The following CBR4 variants were observed in gnomAD, a reference collection of about 807,000 sequenced individuals.
CBR4 encodes the protein 3-oxoacyl-[acyl-carrier-protein] reductase.
CBR4 carries 22 observed loss-of-function variants against 21.0 expected under a neutral mutation model. That is an observed-to-expected ratio of 1.05 (90% CI 0.75 to 1.50). CBR4 has a LOEUF of 1.50. Ranked by LOEUF, CBR4 falls within the 40% of genes most tolerant of loss-of-function variation. The probability of loss-of-function intolerance (pLI) is 0.00; values close to 1 mark genes in which losing one functional copy is unlikely to be tolerated. For synonymous variants in CBR4, 100 were observed against 104.4 expected (o/e 0.96, Z 0.26); for missense variants, 302 against 286.3 (o/e 1.05, Z -0.40).
chr4:168,916,054 C>G, intron 2 of CBR4: 2 of 1,603,758 alleles, frequency 1.2e-6, no homozygotes, highest in Non-Finnish European at 1.7e-6. Context: ...GCTTGCATAT[C>G]CTATTGCCCC....
At chr4:169,003,399 A>G (rs1730630356) in intron 3 of CBR4, among the ~76,000 whole-genome samples, 2 of 152,226 alleles carry the variant, frequency 1.3e-5, no homozygotes, top group South Asian at 4.1e-4. Context: ...TCTTATGATA[A>G]AACAAATGGG....
At chr4:168,897,249 A>T (rs774772180) in intron 2 of CBR4, among the ~76,000 whole-genome samples, 4 of 152,238 alleles carry the variant, frequency 2.6e-5, no homozygotes, top group Non-Finnish European at 5.9e-5. Context: ...TCAAGGGATT[A>T]ATTTGATAGT....
At chr4:168,898,227 G>T (rs1192196400) in intron 2 of CBR4, 4 of 478,656 alleles carry the variant, frequency 8.4e-6, no homozygotes, top group Non-Finnish European at 1.1e-5. Flanking sequence ...GTTTCCCCTC[G>T]CCTCAGAGAA....
chr4:168,978,149 C>T (rs1353758871), intron 2 of CBR4, among the ~76,000 whole-genome samples: 1 of 152,190 alleles, frequency 6.6e-6, no homozygotes, highest in Non-Finnish European at 1.5e-5. Context: ...TGTTCTCCTC[C>T]TCTGCATTCC....
chr4:168,913,928 G>A, intron 2 of CBR4: 2 of 1,601,914 alleles, frequency 1.2e-6, no homozygotes, highest in Non-Finnish European at 1.7e-6. Flanking sequence ...TTTCTACAGG[G>A]CCGCATCAGT....
intron 2 of CBR4, among the ~76,000 whole-genome samples, chr4:168,929,577 A>G (rs1405982391): frequency 6.6e-6 from 1 of 152,138 alleles, no homozygotes; most frequent in Non-Finnish European, 1.5e-5. Flanking sequence ...CATCATGTAA[A>G]TTTAGTTTGA....
At chr4:168,943,093 C>A (rs1423004208) in intron 2 of CBR4, among the ~76,000 whole-genome samples, 1 of 152,160 alleles carries the variant, frequency 6.6e-6, no homozygotes, top group East Asian at 1.9e-4. Context: ...AACTACCATA[C>A]GATTAAGCAA....
At chr4:168,960,291 A>C (rs146148619) in intron 2 of CBR4, among the ~76,000 whole-genome samples, 84 of 152,342 alleles carry the variant, frequency 5.5e-4, no homozygotes, top group Non-Finnish European at 9.1e-4. Flanking sequence ...TAACGCAGTA[A>C]ACATTTCTCC....
chr4:168,944,824 C>T (rs28669085), intron 2 of CBR4, among the ~76,000 whole-genome samples: 1,733 of 152,230 alleles, frequency 0.011, 47 homozygotes, highest in African/African-American at 0.04. Flanking sequence ...GTCTAGTTTT[C>T]AATTGTTTCT....
In CBR4 at chr4:168,990,001, T is replaced by C; in HGVS notation, c.*149A>G. 1 of 1,279,354 alleles carries C rather than the reference T, an allele frequency of 7.8e-7. No individual in the cohort carries two copies. Among genetic ancestry groups the C allele is most frequent in the African/African-American group, 1.5e-5 (1 of 65,028 alleles). 79.3% of individuals were successfully genotyped at this position (1,279,354 alleles called of 1,614,324 possible). On this transcript the variant is annotated 3_prime_UTR_variant, in exon 5 of 5. Coordinates refer to ENST00000306193, the MANE Select transcript of CBR4 (RefSeq NM_032783.5). ...CACAATTTGTCACACATTGTTCTTT[T>C]GAGACATATTTTTATAAAGACAGAA...
At chr4:168,913,135 A>ATTTT (rs1759352309) in intron 2 of CBR4, among the ~76,000 whole-genome samples, 1 of 119,908 alleles carries the variant, frequency 8.3e-6, no homozygotes, top group African/African-American at 2.7e-5. Flanking sequence ...GATGCCACTA[A>ATTTT]CTTTTTTTTT....
chr4:168,990,315 T>C lies in CBR4; in HGVS notation c.549A>G (p.Thr183=). The change falls in exon 5 of 5, where the codon ACA becomes ACG. Residue 183 remains threonine (T), a synonymous_variant. Coordinates refer to ENST00000306193, the MANE Select transcript of CBR4 (RefSeq NM_032783.5). ...CTTCTTTCAAGTCTTTCGTCATATC[T>C]GTGTGTACAAATCCTAAAAGAGAAA... ...VNVVAPGFVH[T]DMTKDLKEEH... 6.2e-7 allele frequency: 1 copy of C among 1,607,060 alleles called. No individual in the cohort carries two copies. The highest frequency in any genetic ancestry group is 8.5e-7 in the Non-Finnish European group (1 of 1,176,104).
intron 2 of CBR4, among the ~76,000 whole-genome samples, chr4:168,930,479 A>G (rs1194534186): frequency 2.0e-5 from 3 of 152,232 alleles, no homozygotes; most frequent in African/African-American, 7.2e-5. Flanking sequence ...ATTGGCAGGG[A>G]TAAATATGAA....
At chr4:169,000,127 C>T (rs1730300383) in intron 4 of CBR4, among the ~76,000 whole-genome samples, 3 of 152,192 alleles carry the variant, frequency 2.0e-5, no homozygotes, top group Non-Finnish European at 4.4e-5. Context: ...GAGAAGGAAG[C>T]AAATACATGT....
chr4:168,983,372 T>C (rs1049463319), downstream of CBR4, among the ~76,000 whole-genome samples: 2 of 151,892 alleles, frequency 1.3e-5, no homozygotes, highest in African/African-American at 2.4e-5. Flanking sequence ...CAGGATGAAA[T>C]TGACACCCCG....
At chr4:168,921,501 C>A in intron 2 of CBR4, 2 of 1,400,050 alleles carry the variant, frequency 1.4e-6, no homozygotes, top group Non-Finnish European at 9.7e-7. Context: ...TGTTTTAATA[C>A]AAAAATTTAC....
chr4:168,984,445 T>A (rs1764626888), downstream of CBR4, among the ~76,000 whole-genome samples: 1 of 151,902 alleles, frequency 6.6e-6, no homozygotes, highest in Non-Finnish European at 1.5e-5. Context: ...TGCTCATGGA[T>A]AGGAAGAATC....
chr4:168,951,311 C>A (rs1318411954), intron 2 of CBR4, among the ~76,000 whole-genome samples: 1 of 152,204 alleles, frequency 6.6e-6, no homozygotes, highest in Non-Finnish European at 1.5e-5. Context: ...CCCGCCTCGG[C>A]CTCCCAAATG....
intron 2 of CBR4, chr4:168,898,420 TGG>T: frequency 1.1e-6 from 1 of 931,498 alleles, no homozygotes; most frequent in Non-Finnish European, 1.8e-6. Context: ...AGGGCCTTAT[TGG>T]GGGGCAGGGA....
Sources: allele counts gnomAD v4.1 joint callset (sites outside exome capture counted in the v4.1 genomes callset), GRCh38; gene constraint gnomAD v4.1.1; transcripts MANE v1.5; gene names NCBI Gene and HGNC (gene_info 2026-07-23, HGNC 2026-07-21).